FRMD3: variants seen among roughly 807,000 people sequenced by gnomAD.
The protein encoded by FRMD3 is FERM domain-containing protein 3.
A neutral mutation model predicts 70.2 loss-of-function variants in FRMD3; 33 were observed. That is an observed-to-expected ratio of 0.47 (90% CI 0.36 to 0.63). The LOEUF (loss-of-function observed/expected upper bound fraction) is 0.63, where lower values mean the gene tolerates loss of function less well. Ranked by LOEUF, FRMD3 falls within the 20% of genes least tolerant of loss-of-function variation. The pLI, the probability that FRMD3 is intolerant of heterozygous loss-of-function variation, is 0.00. For synonymous variants in FRMD3, 279 were observed against 255.9 expected, an observed-to-expected ratio of 1.09 and a Z score of -0.86; for missense variants, 632 against 711.4, an observed-to-expected ratio of 0.89 and a Z score of 1.27.
chr9:83,284,574 C>G (rs1834113097), intron 13 of FRMD3, among the ~76,000 whole-genome samples: 1 of 152,184 alleles, frequency 6.6e-6, no homozygotes. Context: ...TGCCACTGCA[C>G]TCCAGCCTGG....
intron 1 of FRMD3, among the ~76,000 whole-genome samples, chr9:83,451,899 C>A (rs1417140152): frequency 6.6e-6 from 1 of 152,164 alleles, no homozygotes; most frequent in African/African-American, 2.4e-5. Context: ...TCATAATAGA[C>A]ATTTGTAAAT....
At chr9:83,266,893 C>A in intron 13 of FRMD3, 1 of 1,054,368 alleles carries the variant, frequency 9.5e-7, no homozygotes. Flanking sequence ...CTCTTTTCAT[C>A]CTTATCAAAA....
the FRMD3 span, among the ~76,000 whole-genome samples, chr9:83,554,582 A>G: frequency 6.6e-6 from 1 of 152,164 alleles, no homozygotes; most frequent in Non-Finnish European, 1.5e-5. Flanking sequence ...CCCATGGGAG[A>G]CAGACTGGCC....
chr9:83,411,588 G>T (rs1038657492), intron 1 of FRMD3, among the ~76,000 whole-genome samples: 1 of 152,214 alleles, frequency 6.6e-6, no homozygotes, highest in Non-Finnish European at 1.5e-5. Context: ...GTGTCTAATT[G>T]TCTAGGTGAG....
intron 2 of FRMD3, 32 bp from the exon 3 acceptor site, chr9:83,372,987 G>C (rs1825028174): frequency 1.3e-6 from 2 of 1,586,366 alleles, no homozygotes; most frequent in African/African-American, 2.7e-5. Context: ...GCAGAGATCA[G>C]GGGTCAAATT....
rs748007340 is a variant in FRMD3, at chr9:83,248,117, A to G, written c.1595T>C (p.Leu532Pro). 4 of 1,614,204 alleles carry G rather than the reference A, an allele frequency of 2.5e-6. No homozygotes were observed. The highest frequency in any genetic ancestry group is 3.3e-4 in the Middle Eastern group (2 of 6,062). Residue 532 changes from leucine to proline, a missense_variant, in exon 14 of 14, where the codon CTT becomes CCT. Coordinates refer to ENST00000304195, the MANE Select transcript of FRMD3 (RefSeq NM_174938.6). ...NPLVKSFSRL[L>P]VVGLGLLLFV... ...GAGCAGCAGTCCCAGGCCCACCACA[A>G]GGAGCCTGGAAAAACTCTTGACCAG... is the stretch of plus-strand genomic sequence containing the variant.
intron 13 of FRMD3, among the ~76,000 whole-genome samples, chr9:83,280,983 C>G (rs1833957471): frequency 6.6e-6 from 1 of 152,170 alleles, no homozygotes; most frequent in Non-Finnish European, 1.5e-5. Flanking sequence ...ACCAGAGCCT[C>G]TTCTCTGAAC....
At position 83,467,518 on chromosome 9, in the gene FRMD3, A is replaced by G. The variant is rs943838870; in HGVS notation, c.147+70567T>C. On this transcript the variant is annotated intron_variant, in intron 1 of 13. Transcript: ENST00000304195. ...TTCACATCCCCTTCTAATTTGTTTC[A>G]GTGAAAATAATTCAAAACATTGCAT... The G allele has an allele frequency of 1.6e-4, 132 of 820,100 alleles. 1 individual carries two copies. Among genetic ancestry groups the G allele is most frequent in the Admixed American group, 1.0e-3 (51 of 49,268 alleles). The allele number at this position is 820,100 out of a possible 1,614,324, so 50.8% of individuals were successfully genotyped here.
At chr9:83,263,692 G>A (rs770541536) in intron 13 of FRMD3, among the ~76,000 whole-genome samples, 1 of 152,034 alleles carries the variant, frequency 6.6e-6, no homozygotes, top group Admixed American at 6.6e-5. Flanking sequence ...AATGAAACAG[G>A]ACAATTAATA....
chr9:83,461,665 C>CTTTTTTTTTTTT (rs200147815), intron 1 of FRMD3, among the ~76,000 whole-genome samples: 3 of 70,696 alleles, frequency 4.2e-5, no homozygotes, highest in African/African-American at 6.1e-5. Context: ...AGGAATTTCC[C>CTTTTTTTTTTTT]TTTTTTTTTT....
intron 1 of FRMD3, among the ~76,000 whole-genome samples, chr9:83,454,753 A>G (rs1173566736): frequency 6.6e-6 from 1 of 152,162 alleles, no homozygotes; most frequent in African/African-American, 2.4e-5. Flanking sequence ...ACCAGCCACC[A>G]CTTCAGTAGC....
chr9:83,327,890 A>G (rs1836082687), intron 6 of FRMD3, among the ~76,000 whole-genome samples: 1 of 152,132 alleles, frequency 6.6e-6, no homozygotes, highest in African/African-American at 2.4e-5. Context: ...CCAGTCTGTC[A>G]TTTCCAATCT....
At chr9:83,530,026 T>C (rs1030785655) in intron 1 of FRMD3, among the ~76,000 whole-genome samples, 20 of 152,224 alleles carry the variant, frequency 1.3e-4, no homozygotes, top group Admixed American at 8.5e-4. Flanking sequence ...GAAACCCTGC[T>C]ACACTGCTGG....
intron 1 of FRMD3, among the ~76,000 whole-genome samples, chr9:83,390,166 C>A (rs987982668): frequency 2.0e-5 from 3 of 152,130 alleles, no homozygotes; most frequent in South Asian, 2.1e-4. Flanking sequence ...CATTTTATAT[C>A]GGAGGAAACT....
chr9:83,479,675 A>AAG (rs1564096747), intron 1 of FRMD3, among the ~76,000 whole-genome samples: 74 of 41,278 alleles, frequency 1.8e-3, no homozygotes, highest in South Asian at 2.2e-3. Flanking sequence ...AAGGAAGGAA[A>AAG]GAAAGAAAGA....
In FRMD3 at chr9:83,521,590, T is replaced by A. The variant is rs78966543; in HGVS notation, c.147+16495A>T. On this transcript the variant is annotated intron_variant, in intron 1 of 13. Coordinates refer to ENST00000304195, the MANE Select transcript of FRMD3 (RefSeq NM_174938.6). ...AGTCTGAAACAAAACACCCAACGAA[T>A]CTTGCCCAAGTGTGAGCCAAGCTAG... Among the ~76,000 whole-genome samples, 4 of 152,284 alleles carry A rather than the reference T, an allele frequency of 2.6e-5. No homozygotes were observed. In the East Asian group the frequency reaches 7.7e-4, roughly 29 times the overall value.
Position 83,247,725 on chromosome 9 carries a change from C to T in FRMD3, c.*193G>A. 1.4e-6 allele frequency: 2 copies of T among 1,420,446 alleles called. No homozygotes were observed. Among genetic ancestry groups the T allele is most frequent in the South Asian group, 3.3e-5 (2 of 60,656 alleles). 88.0% of individuals were successfully genotyped at this position (1,420,446 alleles called of 1,614,324 possible). On this transcript the variant is annotated 3_prime_UTR_variant, in exon 14 of 14. Transcript: ENST00000304195. ...TAAAGACCATCTTCCTAACCTGTAA[C>T]TAAAATAACTGTATTTGATTTAAAC...
intron 6 of FRMD3, among the ~76,000 whole-genome samples, chr9:83,324,225 G>C (rs1835922424): frequency 6.6e-6 from 1 of 152,190 alleles, no homozygotes. Flanking sequence ...TTATATGAAA[G>C]TGAAAATAGG....
chr9:83,461,297 C>T (rs970310739), intron 1 of FRMD3, among the ~76,000 whole-genome samples: 2 of 152,136 alleles, frequency 1.3e-5, no homozygotes, highest in Non-Finnish European at 2.9e-5. Flanking sequence ...TGCAAGTAAC[C>T]TCTAGAAGCT....
Sources: gnomAD v4.1 joint callset for allele counts (sites outside exome capture counted in the v4.1 genomes callset) on GRCh38, gnomAD v4.1.1 for gene constraint, MANE v1.5 for transcripts, NCBI Gene and HGNC (gene_info 2026-07-23, HGNC 2026-07-21) for gene names.